CHIA: variants seen among roughly 807,000 people sequenced by gnomAD.
CHIA encodes acidic mammalian chitinase.
CHIA carries 47 observed loss-of-function variants against 53.5 expected under a neutral mutation model. That is an observed-to-expected ratio of 0.88 (90% confidence interval 0.70 to 1.12). The LOEUF is 1.12. Among genes scored for constraint, CHIA ranks in the 50% most tolerant of loss-of-function variants. CHIA has a pLI of 0.00. For missense variants in CHIA, 652 were observed against 592.2 expected, an observed-to-expected ratio of 1.10 and a Z score of -1.05; for synonymous variants, 268 against 222.2, an observed-to-expected ratio of 1.21 and a Z score of -1.83.
chr1:111,315,668 C>T (rs1263537330), intron 6 of CHIA: 1 of 583,726 alleles, frequency 1.7e-6, no homozygotes, highest in South Asian at 1.8e-5. Flanking sequence ...AGAACCATAA[C>T]TCATTTCATC....
chr1:111,302,744 T>C (rs554172457), intron 1 of CHIA, among the ~76,000 whole-genome samples: 1 of 152,188 alleles, frequency 6.6e-6, no homozygotes. Context: ...TAGAGTATTC[T>C]GTATATATCT....
intron 1 of CHIA, among the ~76,000 whole-genome samples, chr1:111,292,005 T>C (rs141338530): frequency 4.3e-4 from 66 of 152,194 alleles, no homozygotes; most frequent in Non-Finnish European, 1.8e-4. Context: ...TAGAATTAAA[T>C]TAAATCTTAA....
At chr1:111,304,960 T>G (rs200296779) in intron 1 of CHIA, among the ~76,000 whole-genome samples, 1 of 152,134 alleles carries the variant, frequency 6.6e-6, no homozygotes, top group Non-Finnish European at 1.5e-5. Context: ...GATGTGATCT[T>G]TCTGTGTTGC....
intron 1 of CHIA, among the ~76,000 whole-genome samples, chr1:111,300,461 G>A (rs538694713): frequency 6.6e-6 from 1 of 152,272 alleles, no homozygotes. Flanking sequence ...TGACAAACCT[G>A]ACAAAAACAA....
At chr1:111,314,771 A>G in intron 5 of CHIA, 175 bp downstream of exon 5, 1 of 562,894 alleles carries the variant, frequency 1.8e-6, no homozygotes. Flanking sequence ...GTGGAACACA[A>G]TTTATTTCAT....
intron 4 of CHIA, among the ~76,000 whole-genome samples, chr1:111,312,723 G>A (rs1239863727): frequency 6.6e-6 from 1 of 152,102 alleles, no homozygotes; most frequent in Non-Finnish European, 1.5e-5. Flanking sequence ...TAACCATGTT[G>A]TACAATAGAC....
In CHIA at chr1:111,312,238, G is replaced by A. The variant is rs746963750; in HGVS notation, c.104G>A (p.Arg35Gln). Reference sequence around the variant, plus strand: ...TACTTCACCAACTGGGCCCAGTACCGGCCAGGCCTGGGGCGCTTCATGCCT... The same window carrying A: ...TACTTCACCAACTGGGCCCAGTACCAGCCAGGCCTGGGGCGCTTCATGCCT... Reference protein sequence around the residue: ...TCYFTNWAQYRPGLGRFMPDN... With the variant: ...TCYFTNWAQYQPGLGRFMPDN... Residue 35 changes from arginine to glutamine, a missense_variant, in exon 4 of 12, where the codon CGG becomes CAG. Coordinates refer to ENST00000369740, the MANE Select transcript of CHIA (RefSeq NM_201653.4). The A allele has an allele frequency of 1.5e-5, 25 of 1,613,926 alleles. No individual in the cohort carries two copies. The highest frequency in any genetic ancestry group is 1.2e-4 in the South Asian group (11 of 91,060).
Position 111,302,070 on chromosome 1 carries a change from T to C in CHIA, c.-68-8330T>C, listed in dbSNP as rs556797160. Among the ~76,000 whole-genome samples, 12 of 152,308 alleles carry C rather than the reference T, an allele frequency of 7.9e-5. No individual in the cohort carries two copies. In the South Asian group the frequency reaches 1.7e-3, roughly 21 times the overall value. On this transcript the variant is annotated intron_variant, in intron 1 of 11. Coordinates refer to ENST00000369740, the MANE Select transcript of CHIA (RefSeq NM_201653.4). ...AAGTAAAATTTAAAAAAAAGCCTCATAATCCTTTTTATTTTTTATAGTCAG... is the reference window on the plus strand; with the variant it reads ...AAGTAAAATTTAAAAAAAAGCCTCACAATCCTTTTTATTTTTTATAGTCAG...
At chr1:111,305,687 A>G (rs992712590) in intron 1 of CHIA, among the ~76,000 whole-genome samples, 7 of 152,216 alleles carry the variant, frequency 4.6e-5, no homozygotes, top group African/African-American at 1.4e-4. Flanking sequence ...TCTGCCAGTA[A>G]AATTTTTGTC....
At position 111,311,650 on chromosome 1, in the gene CHIA, A is replaced by C. The variant is rs369579196; in HGVS notation, c.26-39A>C. ...CAGAATTAGATTCTACGGGGTACAGACAATCGGTTCAAAGTACATGCTTTT... is the reference window on the plus strand; with the variant it reads ...CAGAATTAGATTCTACGGGGTACAGCCAATCGGTTCAAAGTACATGCTTTT... On this transcript the variant is annotated intron_variant, in intron 2 of 11. Transcript: ENST00000369740. 1.4e-5 allele frequency: 23 copies of C among 1,612,128 alleles called. No individual in the cohort carries two copies. The South Asian group carries it at 2.4e-4, about 17-fold the overall frequency.
At chr1:111,309,377 G>A (rs181678861) in intron 1 of CHIA, among the ~76,000 whole-genome samples, 56 of 152,250 alleles carry the variant, frequency 3.7e-4, no homozygotes, top group Admixed American at 1.3e-3. Context: ...CCATATTCCC[G>A]CCAACTGCAT....
At chr1:111,298,189 A>T (rs961906784) in intron 1 of CHIA, among the ~76,000 whole-genome samples, 8 of 152,204 alleles carry the variant, frequency 5.3e-5, no homozygotes, top group Admixed American at 4.6e-4. Context: ...TATCAATGAG[A>T]CAGAAGGTTA....
chr1:111,316,965 C>T (rs1018099497), intron 6 of CHIA: 1 of 152,202 alleles, frequency 6.6e-6, no homozygotes, highest in Non-Finnish European at 1.5e-5. Context: ...GCTGAAGCAA[C>T]AGAGAATAAG....
chr1:111,307,677 C>T (rs1303865812), intron 1 of CHIA, among the ~76,000 whole-genome samples: 3 of 149,476 alleles, frequency 2.0e-5, no homozygotes, highest in Non-Finnish European at 4.4e-5. Context: ...TTCTCGCTGT[C>T]GTCACCTGAG....
chr1:111,314,467 C>A, intron 4 of CHIA, 73 bp from the exon 5 acceptor site: 1 of 1,059,982 alleles, frequency 9.4e-7, no homozygotes. Context: ...AGATCCAACA[C>A]TAAAGCAATG....
In CHIA at chr1:111,314,613, G is replaced by A. The variant is rs746267824; in HGVS notation, c.314+17G>A. 2.5e-6 allele frequency: 4 copies of A among 1,604,582 alleles called. No homozygotes were observed. The highest frequency in any genetic ancestry group is 3.4e-6 in the Non-Finnish European group (4 of 1,171,462). ...GACTGCCCCGTAAGTCTTCTATGGAGAGCATGTTGTTCGTTTGCTATGGAA... is the reference window on the plus strand; with the variant it reads ...GACTGCCCCGTAAGTCTTCTATGGAAAGCATGTTGTTCGTTTGCTATGGAA... On this transcript the variant is annotated intron_variant, in intron 5 of 11. Coordinates refer to ENST00000369740, the MANE Select transcript of CHIA (RefSeq NM_201653.4).
intron 1 of CHIA, among the ~76,000 whole-genome samples, chr1:111,308,087 T>G (rs975078554): frequency 6.6e-6 from 1 of 152,224 alleles, no homozygotes; most frequent in East Asian, 1.9e-4. Flanking sequence ...CTATGACTCA[T>G]AAACGCAGTA....
At chr1:111,303,281 C>A (rs34306809) in intron 1 of CHIA, among the ~76,000 whole-genome samples, 42,194 of 151,768 alleles carry the variant, frequency 0.28, 6,145 homozygotes, top group East Asian at 0.36. Context: ...GGAATTATTT[C>A]TGTCATTTTA....
rs759202544 is a variant in CHIA at position 111,312,323 on chromosome 1, C to A, written c.189C>A (p.Asn63Lys). 1.2e-6 allele frequency: 2 copies of A among 1,614,144 alleles called. No individual in the cohort carries two copies. Among genetic ancestry groups the A allele is most frequent in the South Asian group, 2.2e-5 (2 of 91,088 alleles). Residue 63 changes from asparagine (N) to lysine (K), a missense_variant, in exon 4 of 12, where the codon AAC becomes AAA. Transcript: ENST00000369740. ...TCTACGCCTTTGCTGGGAGGCAGAACAACGAGATCACCACCATCGAATGGA... is the reference window on the plus strand; with the variant it reads ...TCTACGCCTTTGCTGGGAGGCAGAAAAACGAGATCACCACCATCGAATGGA... ...HLIYAFAGRQ[N>K]NEITTIEWND...
Sources: allele counts gnomAD v4.1 joint callset (sites outside exome capture counted in the v4.1 genomes callset), GRCh38; gene constraint gnomAD v4.1.1; transcripts MANE v1.5; gene names NCBI Gene and HGNC (gene_info 2026-07-23, HGNC 2026-07-21).